Variants in WWOX observed in about 807,000 individuals in gnomAD.
The protein encoded by WWOX is WW domain containing oxidoreductase.
In WWOX, 69 loss-of-function variants were observed where a neutral mutation model predicts 46.2. That is an observed-to-expected ratio of 1.49 (90% CI 1.23 to 1.82). The LOEUF (loss-of-function observed/expected upper bound fraction) is 1.82. WWOX is among the 40% of genes most tolerant of loss of function. The pLI is 0.00. For missense variants in WWOX, 919 were observed against 542.6 expected, an observed-to-expected ratio of 1.69 and a Z score of -6.89; for synonymous variants, 359 against 202.6, an observed-to-expected ratio of 1.77 and a Z score of -6.56.
At chr16:78,866,170 T>C (rs1393192811) in intron 8 of WWOX, among the ~76,000 whole-genome samples, 1 of 152,170 alleles carries the variant, frequency 6.6e-6, no homozygotes, top group African/African-American at 2.4e-5. Context: ...AACTTTTGTT[T>C]AGTAGTTGTA....
intron 8 of WWOX, among the ~76,000 whole-genome samples, chr16:79,023,792 C>CAA (rs71674970): frequency 0.2 from 27,685 of 141,074 alleles, 2,964 homozygotes; most frequent in East Asian, 0.37. Flanking sequence ...ACTAAAAATA[C>CAA]AAAAAAAAAA....
At chr16:78,593,938 C>T (rs769651295) in intron 8 of WWOX, among the ~76,000 whole-genome samples, 1 of 152,078 alleles carries the variant, frequency 6.6e-6, no homozygotes, top group East Asian at 1.9e-4. Flanking sequence ...GGAGGATGAC[C>T]TTAGTTTGCG....
chr16:78,720,273 G>A (rs1452367113), intron 8 of WWOX, among the ~76,000 whole-genome samples: 1 of 148,254 alleles, frequency 6.7e-6, no homozygotes, highest in African/African-American at 2.6e-5. Flanking sequence ...TGAAACAAGG[G>A]AATCTTAATC....
At chr16:78,505,388 CT>C (rs1401607765) in intron 8 of WWOX, among the ~76,000 whole-genome samples, 1 of 152,212 alleles carries the variant, frequency 6.6e-6, no homozygotes, top group African/African-American at 2.4e-5. Flanking sequence ...ACCAGGCCCT[CT>C]GAGTGGGGCT....
chr16:78,954,425 T>C (rs1049592091), intron 8 of WWOX, among the ~76,000 whole-genome samples: 1 of 152,160 alleles, frequency 6.6e-6, no homozygotes, highest in South Asian at 2.1e-4. Context: ...AGTAGTTGGA[T>C]GGATGGATAA....
chr16:78,380,716 C>T (rs992045827), intron 5 of WWOX, among the ~76,000 whole-genome samples: 4 of 152,046 alleles, frequency 2.6e-5, no homozygotes, highest in African/African-American at 4.8e-5. Flanking sequence ...CCTGACTTCC[C>T]GATAGGGCAG....
chr16:78,955,015 C>G (rs763694966), intron 8 of WWOX, among the ~76,000 whole-genome samples: 1 of 152,112 alleles, frequency 6.6e-6, no homozygotes, highest in African/African-American at 2.4e-5. Flanking sequence ...ATCTCAAACT[C>G]CTGGCTTCAA....
intron 8 of WWOX, among the ~76,000 whole-genome samples, chr16:78,440,058 C>T (rs540495161): frequency 2.0e-5 from 3 of 152,296 alleles, no homozygotes; most frequent in East Asian, 3.9e-4. Context: ...TAGAAAAGTG[C>T]ATAACTGGCT....
At chr16:78,652,431 AG>A (rs139998440) in intron 8 of WWOX, among the ~76,000 whole-genome samples, 2 of 148,606 alleles carry the variant, frequency 1.3e-5, no homozygotes, top group East Asian at 1.9e-4. Flanking sequence ...AAAAAAAAAA[AG>A]AAAAAGAAAA....
At chr16:78,972,233 A>G (rs2046485465) in intron 8 of WWOX, among the ~76,000 whole-genome samples, 1 of 152,102 alleles carries the variant, frequency 6.6e-6, no homozygotes, top group Non-Finnish European at 1.5e-5. Flanking sequence ...ACAAAGAGCC[A>G]AATTTAAATT....
intron 8 of WWOX, among the ~76,000 whole-genome samples, chr16:78,999,241 C>A (rs1014202575): frequency 6.6e-6 from 1 of 151,828 alleles, no homozygotes; most frequent in Non-Finnish European, 1.5e-5. Flanking sequence ...GAGGCCAATG[C>A]AGGCGGATCA....
intron 4 of WWOX, among the ~76,000 whole-genome samples, chr16:78,152,113 C>G (rs1217242462): frequency 6.6e-6 from 1 of 152,012 alleles, no homozygotes; most frequent in Admixed American, 6.6e-5. Flanking sequence ...TGGCGTGAAC[C>G]CGGGAGGCGG....
At chr16:78,502,358 C>G (rs1171304632) in intron 8 of WWOX, among the ~76,000 whole-genome samples, 1 of 152,166 alleles carries the variant, frequency 6.6e-6, no homozygotes, top group Non-Finnish European at 1.5e-5. Context: ...TCTCCAGTTC[C>G]TGGCAACCAC....
intron 1 of WWOX, among the ~76,000 whole-genome samples, chr16:78,107,337 G>C (rs2032210961): frequency 6.6e-6 from 1 of 152,208 alleles, no homozygotes; most frequent in South Asian, 2.1e-4. Context: ...GTGGTGGTCT[G>C]AAATGAAATG....
Position 79,028,081 on chromosome 16 carries a change from G to C in WWOX, c.1057-183527G>C, listed in dbSNP as rs553908452. Among the ~76,000 whole-genome samples the C allele has an allele frequency of 1.8e-4, 27 of 151,808 alleles. 1 individual carries two copies. Among genetic ancestry groups the C allele is most frequent in the African/African-American group, 6.6e-4 (27 of 41,136 alleles). The stretch of plus-strand genomic sequence containing the variant: ...ATTCTCCTGCTCTGCCTCCCGAGTA[G>C]CTGAGACTACAGGCACCTGCCACGA... On this transcript the variant is annotated intron_variant, in intron 8 of 8. Coordinates refer to ENST00000566780, the MANE Select transcript of WWOX (RefSeq NM_016373.4).
At chr16:78,954,301 C>T (rs1050148130) in intron 8 of WWOX, among the ~76,000 whole-genome samples, 7 of 150,288 alleles carry the variant, frequency 4.7e-5, no homozygotes, top group Non-Finnish European at 8.9e-5. Flanking sequence ...GGATGCATGG[C>T]TGAGTGGATA....
At chr16:78,871,078 A>G (rs962606421) in intron 8 of WWOX, among the ~76,000 whole-genome samples, 1 of 152,208 alleles carries the variant, frequency 6.6e-6, no homozygotes, top group African/African-American at 2.4e-5. Flanking sequence ...CCTATAGCTC[A>G]TAGAAGCAAT....
chr16:78,277,206 G>A (rs917453732), intron 5 of WWOX, among the ~76,000 whole-genome samples: 1 of 152,182 alleles, frequency 6.6e-6, no homozygotes, highest in Non-Finnish European at 1.5e-5. Flanking sequence ...AGGAAAAAAA[G>A]GGGGATGGCA....
At chr16:78,164,633 G>A (rs993901301) in intron 5 of WWOX, among the ~76,000 whole-genome samples, 2 of 152,146 alleles carry the variant, frequency 1.3e-5, no homozygotes, top group African/African-American at 4.8e-5. Flanking sequence ...TTAGAAAGAA[G>A]GAGGCTTTAA....
Sources: allele counts gnomAD v4.1 joint callset (sites outside exome capture counted in the v4.1 genomes callset), GRCh38; gene constraint gnomAD v4.1.1; transcripts MANE v1.5; gene names NCBI Gene and HGNC (gene_info 2026-07-23, HGNC 2026-07-21).